The following EYA3 variants were observed in gnomAD, a reference collection of about 807,000 sequenced individuals.
EYA3 encodes the protein protein phosphatase EYA3.
A neutral mutation model predicts 80.0 loss-of-function variants in EYA3; 39 were observed. That is an observed-to-expected ratio of 0.49 (90% CI 0.38 to 0.64). EYA3 has a LOEUF of 0.64. Among genes scored for constraint, EYA3 ranks in the 30% least tolerant of loss-of-function variants. The pLI is 0.00. For synonymous variants in EYA3, 206 were observed against 232.8 expected, an observed-to-expected ratio of 0.88 and a Z score of 1.05; for missense variants, 523 against 676.1, an observed-to-expected ratio of 0.77 and a Z score of 2.51.
intron 11 of EYA3, among the ~76,000 whole-genome samples, chr1:28,001,458 A>T (rs979267048): frequency 1.5e-4 from 21 of 143,684 alleles, no homozygotes; most frequent in African/African-American, 4.5e-4. Context: ...AATATATAAA[A>T]TTTTTTTTTG....
intron 16 of EYA3, among the ~76,000 whole-genome samples, chr1:27,981,606 C>G (rs1639305388): frequency 1.3e-5 from 2 of 151,704 alleles, no homozygotes; most frequent in Admixed American, 6.6e-5. Context: ...AAAGTGAGAC[C>G]CCATTTCTAC....
At chr1:27,987,494 T>A (rs1310203212) in intron 16 of EYA3, among the ~76,000 whole-genome samples, 1 of 152,126 alleles carries the variant, frequency 6.6e-6, no homozygotes, top group Non-Finnish European at 1.5e-5. Context: ...TGAGACCCAA[T>A]TCTCTCAGAT....
At chr1:28,011,249 T>C (rs1359647328) in intron 9 of EYA3, among the ~76,000 whole-genome samples, 163 bp from the exon 10 acceptor site, 2 of 152,190 alleles carry the variant, frequency 1.3e-5, no homozygotes, top group African/African-American at 2.4e-5. Flanking sequence ...CATCTAGGCA[T>C]TGAGCATCAG....
At chr1:28,077,304 C>T (rs972071897) in intron 1 of EYA3, among the ~76,000 whole-genome samples, 4 of 151,890 alleles carry the variant, frequency 2.6e-5, no homozygotes, top group African/African-American at 9.7e-5. Flanking sequence ...CGGGGTTTCA[C>T]CAGGTTGGCC....
intron 11 of EYA3, among the ~76,000 whole-genome samples, chr1:28,001,789 G>A (rs1319652134): frequency 2.0e-5 from 3 of 147,014 alleles, no homozygotes; most frequent in Admixed American, 6.7e-5. Flanking sequence ...GGAGTGCTGC[G>A]GCGCGATCTC....
intron 5 of EYA3, among the ~76,000 whole-genome samples, chr1:28,036,806 A>G (rs1643479286): frequency 2.0e-5 from 3 of 152,220 alleles, no homozygotes; most frequent in South Asian, 4.1e-4. Context: ...TATTTGTACC[A>G]TGTAAGCATA....
chr1:28,002,446 A>G (rs1262553291), intron 11 of EYA3, among the ~76,000 whole-genome samples: 2 of 150,988 alleles, frequency 1.3e-5, no homozygotes, highest in East Asian at 1.9e-4. Context: ...TTAATTTTAT[A>G]TATTTTTATA....
intron 3 of EYA3, 83 bp from the exon 4 acceptor site, chr1:28,042,733 C>G: frequency 9.4e-7 from 1 of 1,067,702 alleles, no homozygotes; most frequent in Non-Finnish European, 1.5e-6. Context: ...CCATTTCCTC[C>G]TAGGCTATAT....
chr1:28,074,832 C>A (rs1645147544), intron 1 of EYA3, among the ~76,000 whole-genome samples: 1 of 152,082 alleles, frequency 6.6e-6, no homozygotes, highest in Non-Finnish European at 1.5e-5. Flanking sequence ...AGATTCTTCC[C>A]CTACCAGGTA....
At chr1:28,019,872 G>A (rs534690423) in intron 7 of EYA3, among the ~76,000 whole-genome samples, 1 of 151,364 alleles carries the variant, frequency 6.6e-6, no homozygotes, top group Non-Finnish European at 1.5e-5. Context: ...GGCTAATGCT[G>A]CATTTTTTTT....
chr1:28,076,508 C>A (rs1331219929), intron 1 of EYA3, among the ~76,000 whole-genome samples: 1 of 151,594 alleles, frequency 6.6e-6, no homozygotes, highest in Non-Finnish European at 1.5e-5. Context: ...GTCAGGAGTT[C>A]AAGACCAGCC....
chr1:28,065,513 G>A (rs888301424), intron 1 of EYA3, among the ~76,000 whole-genome samples: 2 of 151,434 alleles, frequency 1.3e-5, no homozygotes, highest in South Asian at 2.1e-4. Context: ...CGCCCGCCTC[G>A]GCCTCCCAAA....
chr1:27,984,729 A>G (rs1182265186), intron 16 of EYA3, among the ~76,000 whole-genome samples: 2 of 152,118 alleles, frequency 1.3e-5, no homozygotes, highest in Non-Finnish European at 2.9e-5. Flanking sequence ...GATCGTTTCC[A>G]TCTGCATATA....
At chr1:28,040,575 AAAG>A (rs761515320) in intron 4 of EYA3, among the ~76,000 whole-genome samples, 1 of 152,214 alleles carries the variant, frequency 6.6e-6, no homozygotes, top group African/African-American at 2.4e-5. Context: ...GAGGCCCACC[AAAG>A]AAGGGCCATC....
intron 11 of EYA3, among the ~76,000 whole-genome samples, chr1:28,001,615 T>C (rs1004892501): frequency 6.7e-6 from 1 of 149,890 alleles, no homozygotes; most frequent in African/African-American, 2.4e-5. Context: ...GACGGGCACC[T>C]GTAGTCCCAG....
rs1383642015 is a variant in EYA3, at chr1:28,048,394, C to T, written c.66G>A (p.Glu22=). Residue 22 remains glutamate, a synonymous_variant, in exon 3 of 18, where the codon GAG becomes GAA. Coordinates refer to ENST00000373871, the MANE Select transcript of EYA3 (RefSeq NM_001990.4). The part of the protein sequence containing the change: ...VKKAKMQESG[E]QTISQVSNPD... ...CAAACTTTACATACCTTATAGTTTGCTCTCCTGATTCCTGCATCTTGGCTT... is the reference window on the plus strand; with the variant it reads ...CAAACTTTACATACCTTATAGTTTGTTCTCCTGATTCCTGCATCTTGGCTT... 1 of 1,610,640 alleles carries T rather than the reference C, an allele frequency of 6.2e-7. No individual in the cohort carries two copies. Among genetic ancestry groups the T allele is most frequent in the Non-Finnish European group, 8.5e-7 (1 of 1,178,360 alleles).
At chr1:28,028,936 G>A (rs1361813255) in intron 6 of EYA3, among the ~76,000 whole-genome samples, 2 of 152,030 alleles carry the variant, frequency 1.3e-5, no homozygotes, top group Non-Finnish European at 1.5e-5. Flanking sequence ...GCCCAGGCCA[G>A]TCTTGAACTC....
intron 7 of EYA3, among the ~76,000 whole-genome samples, chr1:28,023,236 C>T (rs1642566886): frequency 6.6e-6 from 1 of 151,838 alleles, no homozygotes; most frequent in South Asian, 2.1e-4. Flanking sequence ...TCTAGGAGTC[C>T]ACAAAAAAAT....
chr1:28,023,095 GA>G (rs77197488), intron 7 of EYA3, among the ~76,000 whole-genome samples: 7 of 149,296 alleles, frequency 4.7e-5, no homozygotes, highest in African/African-American at 1.5e-4. Flanking sequence ...GGGGGGGGGG[GA>G]AAACCAAAAA....
Sources: gnomAD v4.1 joint callset for allele counts (sites outside exome capture counted in the v4.1 genomes callset) on GRCh38, gnomAD v4.1.1 for gene constraint, MANE v1.5 for transcripts, NCBI Gene and HGNC (gene_info 2026-07-23, HGNC 2026-07-21) for gene names.